Variants in CKAP2 observed in about 807,000 individuals in gnomAD.
CKAP2 encodes cytoskeleton-associated protein 2.
CKAP2 carries 46 observed loss-of-function variants against 58.4 expected under a neutral mutation model. The observed-to-expected ratio is 0.79, with a 90% CI of 0.62 to 1.01. CKAP2 has a LOEUF of 1.01. Ranked by LOEUF, CKAP2 falls within the 50% of genes least tolerant of loss-of-function variation. The pLI, the probability that CKAP2 is intolerant of heterozygous loss-of-function variation, is 0.00. For synonymous variants in CKAP2, 293 were observed against 280.9 expected (o/e 1.04, Z -0.43); for missense variants, 809 against 796.4 (o/e 1.02, Z -0.19).
chr13:52,469,915 C>G (rs1958738159), intron 7 of CKAP2, among the ~76,000 whole-genome samples: 1 of 151,756 alleles, frequency 6.6e-6, no homozygotes, highest in Admixed American at 6.6e-5. Flanking sequence ...GTATCATAGT[C>G]TATGACACAT....
Position 52,461,921 on chromosome 13 carries a change from G to T in CKAP2, c.1095G>T (p.Glu365Asp). The stretch of plus-strand genomic sequence containing the variant: ...CTCAGCCCAAAGAAACCTCGGAAGA[G>T]AGAAAGTAAGTAGATATAATTTTCT... ...RSAQPKETSE[E>D]RKARLSEWKA... Residue 365 changes from glutamate to aspartate, a missense_variant, in exon 4 of 9, where the codon GAG (glutamate) becomes GAT (aspartate). Glu to Asp is a conservative substitution (Grantham distance 45). Coordinates refer to ENST00000258607, the MANE Select transcript of CKAP2 (RefSeq NM_018204.5). 6.3e-7 allele frequency: 1 copy of T among 1,585,914 alleles called. No individual in the cohort carries two copies. Among genetic ancestry groups the T allele is most frequent in the Non-Finnish European group, 8.5e-7 (1 of 1,170,414 alleles).
chr13:52,471,599 A>T (rs983294826), intron 7 of CKAP2, among the ~76,000 whole-genome samples: 2 of 151,814 alleles, frequency 1.3e-5, no homozygotes, highest in African/African-American at 4.8e-5. Flanking sequence ...TTGAACACAT[A>T]ATTTTCCCCT....
rs754025519 is a variant in CKAP2, at chr13:52,476,469, T to G, written c.*1328T>G. The G allele has an allele frequency of 6.6e-6, 1 of 152,196 alleles. No individual in the cohort carries two copies. The highest frequency in any genetic ancestry group is 6.5e-5 in the Admixed American group (1 of 15,280). 9.4% of individuals were successfully genotyped at this position (152,196 alleles called of 1,614,324 possible). A position where few individuals can be genotyped will look rare whatever the true frequency, so the allele number is the denominator to read the frequency against. ...GATTTGACTTGAGGTTTTTGACACT[T>G]AAGTACATGCTTAATGATATATTTT... is the stretch of plus-strand genomic sequence containing the variant. On this transcript the variant is annotated 3_prime_UTR_variant, in exon 9 of 9. Coordinates refer to ENST00000258607, the MANE Select transcript of CKAP2 (RefSeq NM_018204.5).
chr13:52,455,573 T>C lies in CKAP2; in HGVS notation c.17T>C (p.Val6Ala). The C allele has an allele frequency of 7.4e-6, 12 of 1,611,752 alleles. No individual in the cohort carries two copies. The highest frequency in any genetic ancestry group is 9.3e-6 in the Non-Finnish European group (11 of 1,179,230). MSTPAVPQDLQLPPSQ... is the reference protein window; with the variant it reads MSTPAAPQDLQLPPSQ... ...GAGGCTACGATGAGCACACCGGCCG[T>C]GCCCCAGGACCTGCAGCTGCCCCCG... Residue 6 changes from valine (V) to alanine (A), a missense_variant, in exon 1 of 9, where the codon GTG becomes GCG. By Grantham distance (64) the Val-to-Ala change is moderately conservative. Around this residue, in one of 3 missense-constraint regions of CKAP2, gnomAD observed 523 missense variants for 492.4 expected, o/e 1.06. Transcript: ENST00000258607.
intron 2 of CKAP2, among the ~76,000 whole-genome samples, chr13:52,457,778 T>A (rs944335638): frequency 3.3e-5 from 5 of 151,826 alleles, no homozygotes; most frequent in Non-Finnish European, 7.4e-5. Context: ...CGCTTGAACC[T>A]GGGAGATGGA....
chr13:52,458,849 CTT>C (rs2137834942), intron 2 of CKAP2, among the ~76,000 whole-genome samples: 1 of 147,668 alleles, frequency 6.8e-6, no homozygotes, highest in Non-Finnish European at 1.5e-5. Flanking sequence ...AAGAGCGAGA[CTT>C]TGTCTCAAAA....
chr13:52,455,523 A>G lies in CKAP2; in HGVS notation c.-34A>G. 4 of 1,612,174 alleles carry G rather than the reference A, an allele frequency of 2.5e-6. No individual in the cohort carries two copies. Among genetic ancestry groups the G allele is most frequent in the Non-Finnish European group, 3.4e-6 (4 of 1,179,228 alleles). ...TCTGAGGAAGTTCTATCTTGGCGCTAAAGCGGAGACGCATCCCCCGACCCG... is the reference window on the plus strand; with the variant it reads ...TCTGAGGAAGTTCTATCTTGGCGCTGAAGCGGAGACGCATCCCCCGACCCG... On this transcript the variant is annotated 5_prime_UTR_variant, in exon 1 of 9. Coordinates refer to ENST00000258607, the MANE Select transcript of CKAP2 (RefSeq NM_018204.5).
intron 6 of CKAP2, among the ~76,000 whole-genome samples, chr13:52,466,448 C>T (rs962903640): frequency 2.0e-5 from 3 of 152,212 alleles, no homozygotes; most frequent in Non-Finnish European, 4.4e-5. Flanking sequence ...GATAGTCTGT[C>T]AGTGGCTGTC....
At position 52,455,744 on chromosome 13, in the gene CKAP2, C is replaced by T. The variant is rs146417099; in HGVS notation, c.70+118C>T. ...TCACCTCTCCCCCGCTCTGTGAGATCCCTGAACGCGGCGTCGGCCTCGCCC... is the reference window on the plus strand; with the variant it reads ...TCACCTCTCCCCCGCTCTGTGAGATTCCTGAACGCGGCGTCGGCCTCGCCC... On this transcript the variant is annotated intron_variant, in intron 1 of 8. Transcript: ENST00000258607. The T allele has an allele frequency of 9.5e-4, 1,126 of 1,183,044 alleles. 10 individuals carry two copies. In the African/African-American group the frequency reaches 0.014, roughly 15 times the overall value. 73.3% of individuals were successfully genotyped at this position (1,183,044 alleles called of 1,614,324 possible). A position where few individuals can be genotyped will look rare whatever the true frequency, so the allele number is the denominator to read the frequency against.
chr13:52,467,246 A>G (rs1274763008), intron 6 of CKAP2, among the ~76,000 whole-genome samples: 1 of 152,216 alleles, frequency 6.6e-6, no homozygotes, highest in Non-Finnish European at 1.5e-5. Context: ...GCTTAGGTAA[A>G]TAATGGTCAC....
Position 52,461,465 on chromosome 13 carries a change from A to T in CKAP2, c.639A>T (p.Lys213Asn), listed in dbSNP as rs776651048. ...AGAAACTTTCAGCCACTATACCTAA[A>T]GCCACAAAACCTCAGCCTGTAAACA... is the stretch of plus-strand genomic sequence containing the variant. ...ATKKLSATIP[K>N]ATKPQPVNTS... The change falls in exon 4 of 9, where the codon AAA becomes AAT. Residue 213 changes from lysine to asparagine, a missense_variant. By Grantham distance (94) the Lys-to-Asn change is moderately conservative. This residue lies in a region of CKAP2 where 523 missense variants were observed against 492.4 expected (regional missense o/e 1.06). Coordinates refer to ENST00000258607, the MANE Select transcript of CKAP2 (RefSeq NM_018204.5). 5.0e-6 allele frequency: 8 copies of T among 1,614,074 alleles called. No individual in the cohort carries two copies. In the South Asian group the frequency reaches 6.6e-5, roughly 13 times the overall value.
intron 8 of CKAP2, 29 bp from the exon 9 acceptor site, chr13:52,474,866 G>C: frequency 6.3e-7 from 1 of 1,595,772 alleles, no homozygotes; most frequent in Non-Finnish European, 8.5e-7. Flanking sequence ...ACATGTTTTT[G>C]AACTCTGGAA....
At chr13:52,468,964 A>G (rs540367118) in intron 7 of CKAP2, among the ~76,000 whole-genome samples, 2 of 152,284 alleles carry the variant, frequency 1.3e-5, no homozygotes, top group East Asian at 3.9e-4. Flanking sequence ...TGTCTTCCAC[A>G]ATGGTTGAAC....
At chr13:52,473,721 G>A (rs775597567) in intron 7 of CKAP2, 108 bp from the exon 8 acceptor site, 4 of 943,916 alleles carry the variant, frequency 4.2e-6, no homozygotes, top group East Asian at 4.8e-5. Context: ...GATGGCAATC[G>A]TGTTCTTTTA....
intron 2 of CKAP2, among the ~76,000 whole-genome samples, chr13:52,459,322 T>C (rs1958534671): frequency 1.3e-5 from 2 of 152,046 alleles, no homozygotes; most frequent in South Asian, 4.1e-4. Flanking sequence ...ATATATATTT[T>C]GTTTTGTTTT....
At chr13:52,465,593 G>T (rs1958655955) in intron 6 of CKAP2, 128 bp downstream of exon 6, 7 of 785,070 alleles carry the variant, frequency 8.9e-6, no homozygotes, top group Non-Finnish European at 1.5e-5. Context: ...ATGTTTAAAG[G>T]CTGCAAGGAT....
At position 52,462,573 on chromosome 13, in the gene CKAP2, G is replaced by A. The variant is rs771708602; in HGVS notation, c.1305+6G>A. The A allele has an allele frequency of 3.7e-5, 60 of 1,603,974 alleles. No individual in the cohort carries two copies. Among genetic ancestry groups the A allele is most frequent in the Non-Finnish European group, 4.9e-5 (58 of 1,175,238 alleles). The stretch of plus-strand genomic sequence containing the variant: ...GCCTGAACTTGATTAATGAGGTAGA[G>A]TCTTTATATTTGCTTAGCATTTTAT... On this transcript the variant is annotated splice_donor_region_variant and intron_variant, in intron 5 of 8. Transcript: ENST00000258607.
chr13:52,455,729 C>G lies in CKAP2; in HGVS notation c.70+103C>G, dbSNP rs541369808. On this transcript the variant is annotated intron_variant, in intron 1 of 8. Coordinates refer to ENST00000258607, the MANE Select transcript of CKAP2 (RefSeq NM_018204.5). The stretch of plus-strand genomic sequence containing the variant: ...CCGCGCTGGCGCGCTTCACCTCTCC[C>G]CCGCTCTGTGAGATCCCTGAACGCG... The G allele has an allele frequency of 7.6e-5, 96 of 1,259,604 alleles. No individual in the cohort carries two copies. The African/African-American group carries it at 1.3e-3, about 17-fold the overall frequency. 78.0% of individuals were successfully genotyped at this position (1,259,604 alleles called of 1,614,324 possible).
At chr13:52,473,644 TC>T (rs1958788559) in intron 7 of CKAP2, 184 bp from the exon 8 acceptor site, 1 of 513,084 alleles carries the variant, frequency 1.9e-6, no homozygotes, top group African/African-American at 1.9e-5. Context: ...AGCATTTATT[TC>T]ATTTTATAAT....
Sources: allele counts gnomAD v4.1 joint callset (sites outside exome capture counted in the v4.1 genomes callset), GRCh38; gene constraint gnomAD v4.1.1; regional missense constraint gnomAD v4.1.1; transcripts MANE v1.5; gene names NCBI Gene and HGNC (gene_info 2026-07-23, HGNC 2026-07-21).